The following CTNNA2 variants were observed in gnomAD, a reference collection of about 807,000 sequenced individuals.
The protein encoded by CTNNA2 is catenin alpha-2.
In CTNNA2, 42 loss-of-function variants were observed where a neutral mutation model predicts 101.0. The ratio of observed to expected loss-of-function variants is 0.42; its 90% CI spans 0.32 to 0.54. The LOEUF is 0.54. CTNNA2 is among the 20% of genes least tolerant of loss of function. The pLI is 0.14. For synonymous variants in CTNNA2, 450 were observed against 456.4 expected, an observed-to-expected ratio of 0.99 and a Z score of 0.18; for missense variants, 871 against 1,223.1, an observed-to-expected ratio of 0.71 and a Z score of 4.29.
chr2:80,394,946 T>C (rs1162888856), intron 8 of CTNNA2, among the ~76,000 whole-genome samples: 1 of 150,890 alleles, frequency 6.6e-6, no homozygotes, highest in East Asian at 1.9e-4. Context: ...CCCATCTTCC[T>C]GATCCCTTGG....
intron 7 of CTNNA2, among the ~76,000 whole-genome samples, chr2:80,258,494 C>A (rs1672344728): frequency 6.6e-6 from 1 of 152,050 alleles, no homozygotes. Flanking sequence ...AGGGGCATGG[C>A]AAAGTGTGGA....
At chr2:80,306,315 A>T (rs1676940543) in intron 7 of CTNNA2, among the ~76,000 whole-genome samples, 1 of 152,212 alleles carries the variant, frequency 6.6e-6, no homozygotes, top group African/African-American at 2.4e-5. Flanking sequence ...GCCAAGAGAC[A>T]TCATGGTTTA....
intron 12 of CTNNA2, among the ~76,000 whole-genome samples, chr2:80,562,005 G>A (rs1693645901): frequency 6.6e-6 from 1 of 151,928 alleles, no homozygotes; most frequent in South Asian, 2.1e-4. Flanking sequence ...ATTCTGTCCA[G>A]GAGGTAGCCA....
chr2:79,562,053 T>TTATGCCTGTATTTTC (rs1271464794), intron 1 of CTNNA2, among the ~76,000 whole-genome samples: 1 of 151,974 alleles, frequency 6.6e-6, no homozygotes, highest in Non-Finnish European at 1.5e-5. Context: ...GCACACATAT[T>TTATGCCTGTATTTTC]TATGCCTGTA....
chr2:80,525,184 G>T (rs1477013567), intron 9 of CTNNA2, among the ~76,000 whole-genome samples: 6 of 151,872 alleles, frequency 4.0e-5, no homozygotes, highest in African/African-American at 1.5e-4. Context: ...GCTGGGGCAG[G>T]ATTGCACAGC....
chr2:80,637,660 AGAG>A (rs1673024997), intron 18 of CTNNA2, among the ~76,000 whole-genome samples: 1 of 152,084 alleles, frequency 6.6e-6, no homozygotes, highest in African/African-American at 2.4e-5. Context: ...CCTGATGAGG[AGAG>A]GATCACAGGC....
At chr2:79,658,326 T>C (rs1681767134) in intron 2 of CTNNA2, among the ~76,000 whole-genome samples, 1 of 151,916 alleles carries the variant, frequency 6.6e-6, no homozygotes, top group African/African-American at 2.4e-5. Context: ...ATCATAACAG[T>C]ATTGAAAGGA....
intron 3 of CTNNA2, among the ~76,000 whole-genome samples, chr2:79,344,870 TTATATATATAA>T (rs1262594532): frequency 6.9e-6 from 1 of 145,522 alleles, no homozygotes; most frequent in Non-Finnish European, 1.5e-5. Flanking sequence ...TATATTATAT[TTATATATATAA>T]TATATATATA....
chr2:80,290,376 T>C (rs1355745177), intron 7 of CTNNA2, among the ~76,000 whole-genome samples: 1 of 152,082 alleles, frequency 6.6e-6, no homozygotes, highest in Non-Finnish European at 1.5e-5. Context: ...CCAAACTTCC[T>C]TGACCTTCTC....
At chr2:80,247,752 AC>A (rs1402213827) in intron 7 of CTNNA2, among the ~76,000 whole-genome samples, 1 of 152,132 alleles carries the variant, frequency 6.6e-6, no homozygotes, top group Admixed American at 6.6e-5. Context: ...TTTGGCACGT[AC>A]AAAACACTCA....
At chr2:80,470,745 G>A (rs1685234551) in intron 9 of CTNNA2, among the ~76,000 whole-genome samples, 1 of 152,176 alleles carries the variant, frequency 6.6e-6, no homozygotes, top group South Asian at 2.1e-4. Flanking sequence ...AAAGCATACA[G>A]AAGATAGGAG....
At chr2:79,353,630 T>C (rs990984545) in intron 3 of CTNNA2, among the ~76,000 whole-genome samples, 1 of 152,174 alleles carries the variant, frequency 6.6e-6, no homozygotes, top group African/African-American at 2.4e-5. Flanking sequence ...CACTTGTCAT[T>C]CTATGCCAAT....
intron 9 of CTNNA2, among the ~76,000 whole-genome samples, chr2:80,437,715 C>A (rs1035492334): frequency 1.3e-5 from 2 of 152,174 alleles, no homozygotes; most frequent in African/African-American, 4.8e-5. Context: ...ATACCACACA[C>A]TGACCGGGTG....
chr2:80,265,398 T>A (rs965744307), intron 7 of CTNNA2, among the ~76,000 whole-genome samples: 8 of 152,206 alleles, frequency 5.3e-5, no homozygotes, highest in Middle Eastern at 3.4e-3. Context: ...TGGGAGGCTG[T>A]TGGTAAAACT....
chr2:79,965,827 C>CAAAAAAAAAAAAAAAAAAAAAAAAAA (rs10686940), intron 7 of CTNNA2, among the ~76,000 whole-genome samples: 6 of 77,992 alleles, frequency 7.7e-5, no homozygotes, highest in African/African-American at 1.6e-4. Flanking sequence ...GAGACTATGT[C>CAAAAAAAAAAAAAAAAAAAAAAAAAA]AAAAAAAAAA....
At chr2:79,421,412 G>A (rs1678539470) in intron 4 of CTNNA2, among the ~76,000 whole-genome samples, 1 of 152,076 alleles carries the variant, frequency 6.6e-6, no homozygotes, top group Non-Finnish European at 1.5e-5. Context: ...ATCCGAAAAG[G>A]GCTAGTAAAA....
chr2:80,600,680 G>A (rs216651), intron 15 of CTNNA2, among the ~76,000 whole-genome samples: 79,297 of 151,910 alleles, frequency 0.52, 20,967 homozygotes, highest in East Asian at 0.62. Flanking sequence ...ACATTTTAAC[G>A]TCTAAACGAC....
At chr2:79,569,833 G>A (rs1016337380) in intron 1 of CTNNA2, among the ~76,000 whole-genome samples, 1 of 152,120 alleles carries the variant, frequency 6.6e-6, no homozygotes, top group African/African-American at 2.4e-5. Flanking sequence ...GAAATTGAAT[G>A]TACTGATATT....
chr2:79,287,929 G>T lies in CTNNA2; in HGVS notation c.-405-24780G>T, dbSNP rs545145133. ...CACGGGCGTCGGACCCTCTGAGCCA[G>T]GTGCGGGATATAATCTCCTGATGCG... is the stretch of plus-strand genomic sequence containing the variant. On this transcript the variant is annotated intron_variant, in intron 2 of 21. Coordinates refer to the CTNNA2 transcript ENST00000466387. 7.2e-5 allele frequency among the ~76,000 whole-genome samples: 11 copies of T among 152,370 alleles called. No individual in the cohort carries two copies. The East Asian group carries it at 9.7e-4, about 13-fold the overall frequency.
Sources: gnomAD v4.1 joint callset for allele counts (sites outside exome capture counted in the v4.1 genomes callset) on GRCh38, gnomAD v4.1.1 for gene constraint, MANE v1.5 for transcripts, NCBI Gene and HGNC (gene_info 2026-07-23, HGNC 2026-07-21) for gene names.